Variants in MAGI3 observed in about 807,000 individuals in gnomAD.
The protein encoded by MAGI3 is membrane-associated guanylate kinase, WW and PDZ domain-containing protein 3.
MAGI3 carries 43 observed loss-of-function variants against 121.8 expected under a neutral mutation model. The observed-to-expected ratio is 0.35, with a 90% CI of 0.28 to 0.46. MAGI3 has a LOEUF of 0.46. Ranked by LOEUF, MAGI3 falls within the 20% of genes least tolerant of loss-of-function variation. The pLI is 1.00. For missense variants in MAGI3, 1,547 were observed against 1,797.3 expected (o/e 0.86, Z 2.52); for synonymous variants, 553 against 639.3 (o/e 0.86, Z 2.04).
intron 2 of MAGI3, among the ~76,000 whole-genome samples, chr1:113,576,264 C>T (rs1001789894): frequency 9.2e-5 from 14 of 152,174 alleles, no homozygotes; most frequent in Admixed American, 3.3e-4. Flanking sequence ...CCCAAACAGC[C>T]GCCTCGTTTC....
chr1:113,454,711 G>A (rs997200434), intron 1 of MAGI3, among the ~76,000 whole-genome samples: 1 of 151,610 alleles, frequency 6.6e-6, no homozygotes, highest in African/African-American at 2.4e-5. Context: ...TGTTCTCATT[G>A]TTCAACTCCC....
intron 1 of MAGI3, among the ~76,000 whole-genome samples, chr1:113,420,127 C>T (rs764623552): frequency 1.3e-4 from 20 of 152,278 alleles, no homozygotes; most frequent in Middle Eastern, 3.4e-3. Context: ...TGGGCAGTCT[C>T]AGAAAGCAGC....
rs887238856 is a variant in MAGI3, at chr1:113,590,364, A to G, written c.764-120A>G. The G allele has an allele frequency of 5.4e-6, 5 of 925,944 alleles. No homozygotes were observed. The South Asian group carries it at 7.7e-5, about 14-fold the overall frequency. 57.4% of individuals were successfully genotyped at this position (925,944 alleles called of 1,614,324 possible). A position where few individuals can be genotyped will look rare whatever the true frequency, so the allele number is the denominator to read the frequency against. On this transcript the variant is annotated intron_variant, in intron 4 of 20. Coordinates refer to ENST00000307546, the MANE Select transcript of MAGI3 (RefSeq NM_001142782.2). ...AAAATTTATAGCAGAATGTGGACAT[A>G]ATAGACAAGAAATTTGCCATATTTA...
intron 1 of MAGI3, among the ~76,000 whole-genome samples, chr1:113,539,702 A>G (rs1659186035): frequency 6.6e-6 from 1 of 152,030 alleles, no homozygotes; most frequent in Admixed American, 6.6e-5. Context: ...ATTTGGATTC[A>G]TACCAAATAT....
intron 1 of MAGI3, among the ~76,000 whole-genome samples, chr1:113,494,746 TA>T (rs1656836433): frequency 6.6e-6 from 1 of 152,214 alleles, no homozygotes; most frequent in African/African-American, 2.4e-5. Flanking sequence ...CTGTTGTAGT[TA>T]GGGCTCTTTT....
intron 1 of MAGI3, among the ~76,000 whole-genome samples, chr1:113,478,263 G>C (rs1655945880): frequency 6.6e-6 from 1 of 152,138 alleles, no homozygotes; most frequent in African/African-American, 2.4e-5. Context: ...GTCCAGCTTT[G>C]TTCATTTGCT....
chr1:113,392,337 C>G (rs755760828), intron 1 of MAGI3, among the ~76,000 whole-genome samples: 1 of 152,208 alleles, frequency 6.6e-6, no homozygotes, highest in African/African-American at 2.4e-5. Flanking sequence ...TTAATGTGCT[C>G]TGCTGAGTAT....
At chr1:113,533,034 C>G (rs1658798220) in intron 1 of MAGI3, among the ~76,000 whole-genome samples, 1 of 152,120 alleles carries the variant, frequency 6.6e-6, no homozygotes, top group Admixed American at 6.5e-5. Context: ...ATCTATTGGT[C>G]TCGTTACCTG....
intron 1 of MAGI3, among the ~76,000 whole-genome samples, chr1:113,426,093 A>G (rs1173084524): frequency 6.6e-6 from 1 of 152,110 alleles, no homozygotes; most frequent in Non-Finnish European, 1.5e-5. Context: ...TTTTGATTTT[A>G]TATTTTCATT....
rs796174057 is a variant in MAGI3 at position 113,623,453 on chromosome 1, TACACACACACACACACACACAC to T, written c.1360+473_1360+494del. ...TAATACACATATATATACACACACA[TACACACACACACACACACACAC>T]ACACACACACACATATATATATTTT... On this transcript the variant is annotated intron_variant, in intron 9 of 20. Transcript: ENST00000307546. 1.5e-4 allele frequency among the ~76,000 whole-genome samples: 19 copies of T among 126,116 alleles called. 1 individual carries two copies. The highest frequency in any genetic ancestry group is 3.1e-4 in the Non-Finnish European group (19 of 62,010). 82.7% of individuals were successfully genotyped at this position (126,116 alleles called of 152,430 possible). A position where few individuals can be genotyped will look rare whatever the true frequency, so the allele number is the denominator to read the frequency against.
chr1:113,405,809 T>G (rs1651652959), intron 1 of MAGI3, among the ~76,000 whole-genome samples: 1 of 152,138 alleles, frequency 6.6e-6, no homozygotes, highest in African/African-American at 2.4e-5. Context: ...TTCTCTGCTT[T>G]CCAAAGAAAA....
At chr1:113,515,831 G>C (rs1318852542) in intron 1 of MAGI3, among the ~76,000 whole-genome samples, 1 of 152,084 alleles carries the variant, frequency 6.6e-6, no homozygotes, top group Non-Finnish European at 1.5e-5. Flanking sequence ...GTATCATGAT[G>C]ATCCGTGGTA....
At chr1:113,414,059 C>T (rs1652159416) in intron 1 of MAGI3, among the ~76,000 whole-genome samples, 1 of 152,028 alleles carries the variant, frequency 6.6e-6, no homozygotes, top group Non-Finnish European at 1.5e-5. Context: ...TCCATGAATA[C>T]CTAGTTTATT....
At chr1:113,640,918 A>G (rs866432351) in intron 9 of MAGI3, among the ~76,000 whole-genome samples, 5 of 36,388 alleles carry the variant, frequency 1.4e-4, no homozygotes, top group Non-Finnish European at 2.7e-4. Context: ...TTTATATATG[A>G]TATATTTTAT....
At chr1:113,394,778 T>G (rs545266220) in intron 1 of MAGI3, among the ~76,000 whole-genome samples, 2 of 152,288 alleles carry the variant, frequency 1.3e-5, no homozygotes, top group South Asian at 4.1e-4. Context: ...TATGCACACA[T>G]TACATTCAAC....
chr1:113,670,768 G>C (rs1647502209), intron 16 of MAGI3, among the ~76,000 whole-genome samples: 1 of 152,118 alleles, frequency 6.6e-6, no homozygotes, highest in African/African-American at 2.4e-5. Context: ...TGAGATAACT[G>C]TATTTCCCCT....
intron 1 of MAGI3, among the ~76,000 whole-genome samples, chr1:113,438,301 C>A (rs1209874315): frequency 6.6e-6 from 1 of 152,008 alleles, no homozygotes; most frequent in Non-Finnish European, 1.5e-5. Flanking sequence ...GTTCCAAGAC[C>A]CCCATTGGAT....
At chr1:113,589,896 C>G (rs562370964) in intron 4 of MAGI3, among the ~76,000 whole-genome samples, 1 of 151,942 alleles carries the variant, frequency 6.6e-6, no homozygotes, top group African/African-American at 2.4e-5. Context: ...AACAGGAACT[C>G]TATTGAGTGT....
intron 1 of MAGI3, among the ~76,000 whole-genome samples, chr1:113,413,914 T>G (rs971702892): frequency 6.6e-6 from 1 of 152,126 alleles, no homozygotes. Flanking sequence ...TCCAACACTA[T>G]GTTGAATAGG....
Sources: gnomAD v4.1 joint callset for allele counts (sites outside exome capture counted in the v4.1 genomes callset) on GRCh38, gnomAD v4.1.1 for gene constraint, MANE v1.5 for transcripts, NCBI Gene and HGNC (gene_info 2026-07-23, HGNC 2026-07-21) for gene names.